PLEKHH2: variants seen among roughly 807,000 people sequenced by gnomAD.
PLEKHH2 encodes pleckstrin homology domain-containing family H member 2.
Under a neutral mutation model 187.9 loss-of-function variants are expected in PLEKHH2, and 129 were observed. The observed-to-expected ratio is 0.69, with a 90% CI of 0.59 to 0.79. The LOEUF is 0.79. Ranked by LOEUF, PLEKHH2 falls within the 30% of genes least tolerant of loss-of-function variation. The pLI, the probability that PLEKHH2 is intolerant of heterozygous loss-of-function variation, is 0.00. For synonymous variants in PLEKHH2, 686 were observed against 605.6 expected, an observed-to-expected ratio of 1.13 and a Z score of -1.95; for missense variants, 2,076 against 1,751.2, an observed-to-expected ratio of 1.19 and a Z score of -3.31.
At chr2:43,671,907 C>T (rs1667515153) in intron 2 of PLEKHH2, among the ~76,000 whole-genome samples, 1 of 152,080 alleles carries the variant, frequency 6.6e-6, no homozygotes, top group Admixed American at 6.6e-5. Flanking sequence ...TCGTCTTTTT[C>T]TGGTTTTGGC....
In PLEKHH2 at chr2:43,700,234, A is replaced by G. The variant is rs1669291286; in HGVS notation, c.1276A>G (p.Lys426Glu). 1 of 1,614,054 alleles carries G rather than the reference A, an allele frequency of 6.2e-7. No homozygotes were observed. The highest frequency in any genetic ancestry group is 1.3e-5 in the African/African-American group (1 of 74,914). Residue 426 changes from lysine (K) to glutamate (E), a missense_variant, in exon 8 of 30, where the codon AAA becomes GAA. Lys to Glu is a moderately conservative substitution (Grantham distance 56). Coordinates refer to ENST00000282406, the MANE Select transcript of PLEKHH2 (RefSeq NM_172069.4). ...MPKHPNSLSG[K>E]GTQLVPSSHL... ...AAAGCATCCTAACTCACTCTCTGGAAAAGGAACACAATTAGTGCCTTCATC... is the reference window on the plus strand; with the variant it reads ...AAAGCATCCTAACTCACTCTCTGGAGAAGGAACACAATTAGTGCCTTCATC...
chr2:43,737,257 A>G (rs1671337791), intron 19 of PLEKHH2, among the ~76,000 whole-genome samples: 2 of 152,376 alleles, frequency 1.3e-5, no homozygotes, highest in South Asian at 2.1e-4. Context: ...AGAGTATAAC[A>G]TTCACAACGT....
chr2:43,731,389 G>A, intron 18 of PLEKHH2, 101 bp from the exon 19 acceptor site: 1 of 778,252 alleles, frequency 1.3e-6, no homozygotes, highest in Non-Finnish European at 2.1e-6. Context: ...TTAAAGTTGT[G>A]AGCCAAGCCT....
chr2:43,644,465 C>T (rs978126602), intron 1 of PLEKHH2, among the ~76,000 whole-genome samples: 4 of 152,082 alleles, frequency 2.6e-5, no homozygotes, highest in South Asian at 2.1e-4. Context: ...CAGCCTTAGT[C>T]TCCTATTTCC....
chr2:43,742,774 G>C lies in PLEKHH2; in HGVS notation c.3255G>C (p.Gln1085His). The C allele has an allele frequency of 6.3e-7, 1 of 1,597,538 alleles. No individual in the cohort carries two copies. Among genetic ancestry groups the C allele is most frequent in the Non-Finnish European group, 8.5e-7 (1 of 1,174,316 alleles). The stretch of plus-strand genomic sequence containing the variant: ...TTGGAAAATATGCCATTTACTGCCA[G>C]CGTTGTGTAGAAAGAACGCAACAAA... ...TEFGKYAIYC[Q>H]RCVERTQQNG... is the part of the protein sequence containing the mutation. The change falls in exon 22 of 30, where the codon CAG (glutamine) becomes CAC (histidine). Residue 1085 changes from glutamine to histidine, a missense_variant. Coordinates refer to ENST00000282406, the MANE Select transcript of PLEKHH2 (RefSeq NM_172069.4).
At chr2:43,754,556 G>A (rs916666657) in intron 25 of PLEKHH2, among the ~76,000 whole-genome samples, 6 of 152,184 alleles carry the variant, frequency 3.9e-5, no homozygotes, top group East Asian at 1.9e-4. Context: ...TGGTCTCAGC[G>A]GGGTGGCAGT....
chr2:43,658,448 T>A (rs1191463812), intron 2 of PLEKHH2, among the ~76,000 whole-genome samples: 1 of 152,250 alleles, frequency 6.6e-6, no homozygotes, highest in Non-Finnish European at 1.5e-5. Flanking sequence ...AAGCATTTAT[T>A]ATCTTGCACA....
At chr2:43,659,148 T>C (rs958976226) in intron 2 of PLEKHH2, among the ~76,000 whole-genome samples, 1 of 150,404 alleles carries the variant, frequency 6.6e-6, no homozygotes, top group Non-Finnish European at 1.5e-5. Context: ...AATTTTTGTA[T>C]ATATATATTT....
In PLEKHH2 at chr2:43,693,658, A is replaced by G. The variant is rs113569354; in HGVS notation, c.337-773A>G. On this transcript the variant is annotated intron_variant, in intron 4 of 29. Coordinates refer to ENST00000282406, the MANE Select transcript of PLEKHH2 (RefSeq NM_172069.4). The stretch of plus-strand genomic sequence containing the variant: ...AGAGCGGCGTGAACCCAGGAGGTGG[A>G]GCTTGCAGTGAGCCGAGATTGCACC... Among the ~76,000 whole-genome samples the G allele has an allele frequency of 9.1e-3, 1,309 of 143,342 alleles. 24 individuals carry two copies. The highest frequency in any genetic ancestry group is 0.033 in the African/African-American group (1,265 of 38,234). 94.0% of individuals were successfully genotyped at this position (143,342 alleles called of 152,430 possible).
chr2:43,733,362 CAAAAA>C (rs60417054), intron 19 of PLEKHH2, among the ~76,000 whole-genome samples: 3 of 105,418 alleles, frequency 2.8e-5, no homozygotes, highest in Admixed American at 1.0e-4. Flanking sequence ...GACTCCATCT[CAAAAA>C]AAAAAAAAAA....
rs564318287 is a variant in PLEKHH2, at chr2:43,712,174, A to G, written c.2302-51A>G. The G allele has an allele frequency of 3.8e-6, 6 of 1,571,202 alleles. No homozygotes were observed. In the East Asian group the frequency reaches 1.1e-4, roughly 29 times the overall value. On this transcript the variant is annotated intron_variant, in intron 14 of 29. Coordinates refer to ENST00000282406, the MANE Select transcript of PLEKHH2 (RefSeq NM_172069.4). ...AATAATGAACAAGGAAATGCTAACA[A>G]TCCTAAATCTTCACAGTTTTCTTTC...
intron 2 of PLEKHH2, chr2:43,675,913 C>T (rs762923617): frequency 2.5e-6 from 4 of 1,614,030 alleles, no homozygotes; most frequent in Non-Finnish European, 3.4e-6. Context: ...AAGGAAGAAC[C>T]AGTTGTAGTT....
intron 26 of PLEKHH2, among the ~76,000 whole-genome samples, chr2:43,757,604 G>C (rs900341168): frequency 2.6e-5 from 4 of 151,910 alleles, no homozygotes; most frequent in African/African-American, 9.7e-5. Flanking sequence ...ATTTTTAGTA[G>C]AGATGGGGTT....
At chr2:43,720,094 C>G (rs1670410213) in intron 15 of PLEKHH2, among the ~76,000 whole-genome samples, 1 of 152,178 alleles carries the variant, frequency 6.6e-6, no homozygotes, top group Non-Finnish European at 1.5e-5. Flanking sequence ...ATACCCATCA[C>G]TCGTAATAAC....
chr2:43,744,184 A>G (rs1671683382), intron 23 of PLEKHH2, 195 bp downstream of exon 23: 3 of 1,194,590 alleles, frequency 2.5e-6, no homozygotes, highest in Non-Finnish European at 3.3e-6. Context: ...ATCTCTACAT[A>G]TACACATTCC....
At chr2:43,753,859 A>G in intron 25 of PLEKHH2, 99 bp downstream of exon 25, 2 of 1,086,328 alleles carry the variant, frequency 1.8e-6, no homozygotes, top group Non-Finnish European at 2.5e-6. Flanking sequence ...AATTCTTTAC[A>G]TTCGTTTTGC....
intron 2 of PLEKHH2, 145 bp downstream of exon 2, chr2:43,644,941 G>C: frequency 1.1e-6 from 1 of 924,246 alleles, no homozygotes; most frequent in East Asian, 3.0e-5. Context: ...TTTTGCCAGT[G>C]TTAGGGTAGA....
intron 2 of PLEKHH2, among the ~76,000 whole-genome samples, chr2:43,657,504 T>G (rs541282634): frequency 1.3e-5 from 2 of 152,216 alleles, no homozygotes; most frequent in South Asian, 2.1e-4. Context: ...TCAGGCCCAG[T>G]CTCAAAAGGT....
At position 43,753,686 on chromosome 2, in the gene PLEKHH2, A is replaced by G; in HGVS notation, c.3721A>G (p.Asn1241Asp). 1.3e-6 allele frequency: 2 copies of G among 1,585,810 alleles called. No homozygotes were observed. The highest frequency in any genetic ancestry group is 1.7e-6 in the Non-Finnish European group (2 of 1,168,996). ...AAAGTTGCTGTTAATGTATCAGACA[A>G]ATGATCAAATCATAAATGGACTTTT... The part of the protein sequence containing the change: ...REKLLLMYQT[N>D]DQIINGLFPL... Residue 1241 changes from asparagine (N) to aspartate (D), a missense_variant, in exon 25 of 30, where the codon AAT becomes GAT. Coordinates refer to ENST00000282406, the MANE Select transcript of PLEKHH2 (RefSeq NM_172069.4).
Sources: gnomAD v4.1 joint callset for allele counts (sites outside exome capture counted in the v4.1 genomes callset) on GRCh38, gnomAD v4.1.1 for gene constraint, MANE v1.5 for transcripts, NCBI Gene and HGNC (gene_info 2026-07-23, HGNC 2026-07-21) for gene names.